Variants in MTMR11 observed in about 807,000 individuals in gnomAD.
MTMR11 encodes the protein myotubularin-related protein 11.
MTMR11 carries 89 observed loss-of-function variants against 100.0 expected under a neutral mutation model. The observed-to-expected ratio is 0.89, with a 90% confidence interval of 0.75 to 1.06. The LOEUF (loss-of-function observed/expected upper bound fraction) is 1.06. MTMR11 is among the 50% of genes least tolerant of loss of function. MTMR11 has a pLI of 0.00. For missense variants in MTMR11, 809 were observed against 873.7 expected (o/e 0.93, Z 0.93); for synonymous variants, 336 against 326.3 (o/e 1.03, Z -0.32).
rs145612932 is a variant in MTMR11, at chr1:149,931,961, C to T, written c.1106G>A (p.Arg369His). ...DISVLVTSRV[R>H]SVILQERGDR... Reference sequence around the variant, plus strand: ...GAACTCACCTTGAAGTATTACAGAACGAACCCTGGATGTCACTAATACTGA... The same window carrying T: ...GAACTCACCTTGAAGTATTACAGAATGAACCCTGGATGTCACTAATACTGA... Residue 369 changes from arginine to histidine, a missense_variant, in exon 12 of 17, where the codon CGT becomes CAT. Coordinates refer to ENST00000439741, the MANE Select transcript of MTMR11 (RefSeq NM_001145862.2). 1.4e-5 allele frequency: 23 copies of T among 1,613,492 alleles called. No homozygotes were observed. Among genetic ancestry groups the T allele is most frequent in the East Asian group, 2.2e-5 (1 of 44,882 alleles).
intron 10 of MTMR11, among the ~76,000 whole-genome samples, 173 bp downstream of exon 10, chr1:149,933,233 A>G (rs1482489447): frequency 1.1e-4 from 17 of 151,962 alleles, no homozygotes; most frequent in African/African-American, 4.1e-4. Context: ...TGGGATTACA[A>G]GCGTGAGCCA....
At chr1:149,933,287 A>G in intron 10 of MTMR11, 119 bp downstream of exon 10, 1 of 1,374,760 alleles carries the variant, frequency 7.3e-7, no homozygotes, top group Non-Finnish European at 1.0e-6. Flanking sequence ...AGAAAAGAAA[A>G]GAAAACGGGC....
At chr1:149,936,074 G>A (rs1004699713) in intron 2 of MTMR11, 80 bp downstream of exon 2, 1 of 1,428,942 alleles carries the variant, frequency 7.0e-7, no homozygotes, top group Non-Finnish European at 9.9e-7. Context: ...GAACACAGGG[G>A]TATCTTTGGT....
intron 10 of MTMR11, among the ~76,000 whole-genome samples, chr1:149,933,072 A>G (rs1469263884): frequency 4.6e-5 from 7 of 150,938 alleles, no homozygotes; most frequent in African/African-American, 2.4e-5. Context: ...TCAGCCTTCC[A>G]AGTAGCTGGG....
In MTMR11 at chr1:149,935,116, G is replaced by T; in HGVS notation, c.338C>A (p.Ser113Tyr). 6.2e-7 allele frequency: 1 copy of T among 1,614,126 alleles called. No homozygotes were observed. Among genetic ancestry groups the T allele is most frequent in the Non-Finnish European group, 8.5e-7 (1 of 1,180,014 alleles). Residue 113 changes from serine to tyrosine, a missense_variant, in exon 5 of 17, where the codon TCC (serine) becomes TAC (tyrosine). Physicochemically the swap from Ser to Tyr is moderately radical, Grantham distance 144. Transcript: ENST00000439741. Reference sequence around the variant, plus strand: ...CCCTGGACGGAGGAGCTGGACTCGGGACAAGCCGCTCACTGAAGTCAAGAG... The same window carrying T: ...CCCTGGACGGAGGAGCTGGACTCGGTACAAGCCGCTCACTGAAGTCAAGAG... ...IGRLEAVSGL[S>Y]RVQLLRPGSL...
intron 1 of MTMR11, 63 bp downstream of exon 1, chr1:149,936,519 T>G: frequency 7.5e-7 from 1 of 1,326,494 alleles, no homozygotes; most frequent in Non-Finnish European, 1.1e-6. Flanking sequence ...CTTCCCCCTT[T>G]TATCTCCACC....
chr1:149,928,677 G>A lies in MTMR11; in HGVS notation c.*452C>T. The A allele has an allele frequency of 1.6e-6, 1 of 611,442 alleles. No individual in the cohort carries two copies. The highest frequency in any genetic ancestry group is 2.9e-6 in the Non-Finnish European group (1 of 346,490). 37.9% of individuals were successfully genotyped at this position (611,442 alleles called of 1,614,324 possible). A position where few individuals can be genotyped will look rare whatever the true frequency, so the allele number is the denominator to read the frequency against. Reference sequence around the variant, plus strand: ...GTGTATAAATACTATGCTTTAATGAGCCCCTTAAATAGAAATTCCACTACA... The same window carrying A: ...GTGTATAAATACTATGCTTTAATGAACCCCTTAAATAGAAATTCCACTACA... On this transcript the variant is annotated 3_prime_UTR_variant, in exon 17 of 17. Coordinates refer to ENST00000439741, the MANE Select transcript of MTMR11 (RefSeq NM_001145862.2).
rs1380478032 is a variant in MTMR11 at position 149,931,932 on chromosome 1, C to T, written c.1123+12G>A. ...AGGCAAGGAATGGAATGGGCTTAAC[C>T]AAGGAACTCACCTTGAAGTATTACA... On this transcript the variant is annotated intron_variant, in intron 12 of 16. Coordinates refer to ENST00000439741, the MANE Select transcript of MTMR11 (RefSeq NM_001145862.2). 4.4e-6 allele frequency: 7 copies of T among 1,606,674 alleles called. No homozygotes were observed. The highest frequency in any genetic ancestry group is 6.0e-6 in the Non-Finnish European group (7 of 1,173,432).
In MTMR11 at chr1:149,933,512, G is replaced by A. The variant is rs370521994; in HGVS notation, c.879C>T (p.Leu293=). Residue 293 remains leucine, a synonymous_variant, in exon 10 of 17, where the codon CTC becomes CTT. Transcript: ENST00000439741. ...KEDIRAVELM[L]QAGHSDVVLV... Reference sequence around the variant, plus strand: ...GGACAACATCTGAATGCCCAGCCTGGAGCATCAACTCCACTGCTCTGGAGG... The same window carrying A: ...GGACAACATCTGAATGCCCAGCCTGAAGCATCAACTCCACTGCTCTGGAGG... 6 of 1,613,992 alleles carry A rather than the reference G, an allele frequency of 3.7e-6. No individual in the cohort carries two copies. The South Asian group carries it at 4.4e-5, about 12-fold the overall frequency.
Position 149,936,804 on chromosome 1 carries a change from A to G in MTMR11, c.-157T>C, listed in dbSNP as rs2092728204. 1.1e-5 allele frequency: 7 copies of G among 645,212 alleles called. No individual in the cohort carries two copies. The South Asian group carries it at 1.2e-4, about 11-fold the overall frequency. 40.0% of individuals were successfully genotyped at this position (645,212 alleles called of 1,614,324 possible). A position where few individuals can be genotyped will look rare whatever the true frequency, so the allele number is the denominator to read the frequency against. Reference sequence around the variant, plus strand: ...GGAAAGGAGCATTTGACGTGCACGGAGCAGAGTTTGGGGGTCCTTGGAAAG... The same window carrying G: ...GGAAAGGAGCATTTGACGTGCACGGGGCAGAGTTTGGGGGTCCTTGGAAAG... On this transcript the variant is annotated 5_prime_UTR_variant, in exon 1 of 17. Coordinates refer to ENST00000439741, the MANE Select transcript of MTMR11 (RefSeq NM_001145862.2).
In MTMR11 at chr1:149,933,693, C is replaced by A. The variant is rs1468494636; in HGVS notation, c.777G>T (p.Leu259Phe). 6 of 1,614,052 alleles carry A rather than the reference C, an allele frequency of 3.7e-6. No homozygotes were observed. The highest frequency in any genetic ancestry group is 5.1e-6 in the Non-Finnish European group (6 of 1,180,042). The change falls in exon 9 of 17, where the codon TTG becomes TTT. Residue 259 changes from leucine (L) to phenylalanine (F), a missense_variant. By Grantham distance (22) the Leu-to-Phe change is conservative (BLOSUM62 0). Transcript: ENST00000439741. The stretch of plus-strand genomic sequence containing the variant: ...CACTGCCCCCAGGGTGATGCCAGGA[C>A]AAGCGCTTCACATGGGGCAGAAGAG... ...GHFHQGRGPRLSWHHPGGSDL... is the reference protein window; with the variant it reads ...GHFHQGRGPRFSWHHPGGSDL...
intron 16 of MTMR11, 146 bp from the exon 17 acceptor site, chr1:149,929,463 G>C (rs1481480666): frequency 8.4e-7 from 1 of 1,191,892 alleles, no homozygotes; most frequent in African/African-American, 1.5e-5. Context: ...GCACTTTCCC[G>C]CACCTCCTAC....
chr1:149,930,321 C>G, intron 15 of MTMR11, 44 bp downstream of exon 15: 1 of 1,558,282 alleles, frequency 6.4e-7, no homozygotes, highest in Non-Finnish European at 8.8e-7. Context: ...GTAGCATGAG[C>G]CTGTGGGAAC....
intron 15 of MTMR11, 157 bp downstream of exon 15, chr1:149,930,199 CTTCTGTCTT>C (rs2092640488): frequency 1.3e-6 from 1 of 768,014 alleles, no homozygotes; most frequent in African/African-American, 1.7e-5. Context: ...TATTCTAGGT[CTTCTGTCTT>C]CCTAGGGACA....
chr1:149,931,829 G>T, intron 12 of MTMR11, 115 bp downstream of exon 12: 1 of 911,012 alleles, frequency 1.1e-6, no homozygotes, highest in Non-Finnish European at 1.7e-6. Context: ...CTCGCAGGTA[G>T]TTCCCAGGAA....
At chr1:149,935,400 C>A in intron 3 of MTMR11, 41 bp from the exon 4 acceptor site, 1 of 1,608,620 alleles carries the variant, frequency 6.2e-7, no homozygotes, top group Non-Finnish European at 8.5e-7. Context: ...TGAAATCGCC[C>A]TCATTTTCCT....
intron 1 of MTMR11, 29 bp from the exon 2 acceptor site, chr1:149,936,258 A>C: frequency 6.2e-7 from 1 of 1,613,376 alleles, no homozygotes; most frequent in South Asian, 1.1e-5. Flanking sequence ...AGGGGGGTCT[A>C]GAGTTAACCC....
chr1:149,931,840 C>T, intron 12 of MTMR11, 104 bp downstream of exon 12: 4 of 1,011,284 alleles, frequency 4.0e-6, no homozygotes, highest in South Asian at 2.8e-5. Flanking sequence ...TTCCCAGGAA[C>T]AGGAGAGGAA....
At chr1:149,930,299 TCTCA>T in intron 15 of MTMR11, 62 bp downstream of exon 15, 1 of 1,464,482 alleles carries the variant, frequency 6.8e-7, no homozygotes, top group Non-Finnish European at 9.3e-7. Context: ...GTCTTTCACT[TCTCA>T]CTGTCTAGTA....
Sources: allele counts gnomAD v4.1 joint callset (sites outside exome capture counted in the v4.1 genomes callset), GRCh38; gene constraint gnomAD v4.1.1; transcripts MANE v1.5; gene names NCBI Gene and HGNC (gene_info 2026-07-23, HGNC 2026-07-21).